The following DZIP3 variants were observed in gnomAD, a reference collection of about 807,000 sequenced individuals.
DZIP3 encodes DAZ interacting zinc finger protein 3, also known as E3 ubiquitin-protein ligase DZIP3.
DZIP3 carries 118 observed loss-of-function variants against 162.0 expected under a neutral mutation model. That is an observed-to-expected ratio of 0.73 (90% CI 0.63 to 0.85). The LOEUF is 0.85. DZIP3 is among the 40% of genes least tolerant of loss of function. DZIP3 has a pLI of 0.00. For synonymous variants in DZIP3, 438 were observed against 458.6 expected (o/e 0.96, Z 0.57); for missense variants, 1,331 against 1,407.0 (o/e 0.95, Z 0.86).
At chr3:108,611,137 C>G in intron 3 of DZIP3, 37 bp from the exon 4 acceptor site, 1 of 1,532,888 alleles carries the variant, frequency 6.5e-7, no homozygotes, top group Non-Finnish European at 8.7e-7. Flanking sequence ...TGAGAATATG[C>G]AAACTGTGTA....
chr3:108,660,692 T>G (rs2107291356), intron 19 of DZIP3, among the ~76,000 whole-genome samples: 1 of 151,828 alleles, frequency 6.6e-6, no homozygotes, highest in Non-Finnish European at 1.5e-5. Flanking sequence ...ACCATCAGAG[T>G]CAACAGGCAA....
At chr3:108,667,778 G>A (rs1943743565) in intron 21 of DZIP3, among the ~76,000 whole-genome samples, 1 of 152,070 alleles carries the variant, frequency 6.6e-6, no homozygotes, top group Non-Finnish European at 1.5e-5. Flanking sequence ...TATACTTAGT[G>A]GAAATTTTGT....
chr3:108,682,758 T>C (rs1211151089), intron 26 of DZIP3, among the ~76,000 whole-genome samples: 1 of 150,578 alleles, frequency 6.6e-6, no homozygotes, highest in African/African-American at 2.5e-5. Context: ...GAAGAGAGGA[T>C]TTTGAATATT....
chr3:108,636,847 C>T, intron 11 of DZIP3, 139 bp downstream of exon 11: 1 of 583,452 alleles, frequency 1.7e-6, no homozygotes, highest in South Asian at 2.3e-5. Flanking sequence ...GCTCTTGAAC[C>T]TTTTTATTAC....
At chr3:108,666,654 C>T (rs193281954) in intron 21 of DZIP3, among the ~76,000 whole-genome samples, 1 of 152,190 alleles carries the variant, frequency 6.6e-6, no homozygotes, top group African/African-American at 2.4e-5. Context: ...ATAAAACAAA[C>T]CTCAACAACA....
intron 4 of DZIP3, among the ~76,000 whole-genome samples, chr3:108,613,081 AAATC>A (rs1238036099): frequency 2.6e-5 from 4 of 152,122 alleles, no homozygotes; most frequent in African/African-American, 9.7e-5. Flanking sequence ...TTAAATTTAG[AAATC>A]AATACTGCAT....
At position 108,616,525 on chromosome 3, in the gene DZIP3, G is replaced by A. The variant is rs763917260; in HGVS notation, c.259-16G>A. ...TTCAGACTTATAGACATTTTTAACT[G>A]AATAATTTTCCACAGAGAGAAGTTG... On this transcript the variant is annotated splice_polypyrimidine_tract_variant and intron_variant, in intron 4 of 32. Coordinates refer to ENST00000361582, the MANE Select transcript of DZIP3 (RefSeq NM_014648.4). 1.9e-6 allele frequency: 3 copies of A among 1,560,724 alleles called. No homozygotes were observed. Among genetic ancestry groups the A allele is most frequent in the Non-Finnish European group, 2.6e-6 (3 of 1,137,526 alleles).
chr3:108,604,536 T>C (rs777826538), intron 1 of DZIP3, among the ~76,000 whole-genome samples: 1 of 152,334 alleles, frequency 6.6e-6, no homozygotes, highest in Non-Finnish European at 1.5e-5. Flanking sequence ...TATATACTTA[T>C]GATACTCTAG....
intron 18 of DZIP3, among the ~76,000 whole-genome samples, chr3:108,653,815 A>G (rs1374543132): frequency 1.3e-5 from 2 of 151,988 alleles, no homozygotes; most frequent in Non-Finnish European, 2.9e-5. Flanking sequence ...GCTTGCCAAT[A>G]TTTCTGAAAG....
chr3:108,615,991 G>A (rs538538688), intron 4 of DZIP3, among the ~76,000 whole-genome samples: 6 of 152,264 alleles, frequency 3.9e-5, no homozygotes, highest in South Asian at 4.1e-4. Flanking sequence ...GAGGCTGGGC[G>A]CAGTGGCTCA....
chr3:108,675,977 T>C, intron 25 of DZIP3, 104 bp downstream of exon 25: 1 of 1,042,228 alleles, frequency 9.6e-7, no homozygotes, highest in Non-Finnish European at 1.4e-6. Context: ...ATATTTTCCA[T>C]TTTAGTTATA....
chr3:108,617,465 T>C (rs1200013719), intron 5 of DZIP3, among the ~76,000 whole-genome samples: 1 of 152,200 alleles, frequency 6.6e-6, no homozygotes, highest in Non-Finnish European at 1.5e-5. Context: ...ATTTCTATAT[T>C]TGTAAAAGTT....
intron 1 of DZIP3, among the ~76,000 whole-genome samples, chr3:108,601,188 A>G (rs1403351585): frequency 1.3e-5 from 2 of 152,118 alleles, no homozygotes; most frequent in African/African-American, 4.8e-5. Flanking sequence ...GAGTAATTTT[A>G]TGCCCCAAGG....
chr3:108,680,935 A>G (rs1368729546), intron 26 of DZIP3, among the ~76,000 whole-genome samples: 1 of 152,186 alleles, frequency 6.6e-6, no homozygotes, highest in Non-Finnish European at 1.5e-5. Context: ...CTTACACCTT[A>G]TACAAAAATC....
intron 14 of DZIP3, among the ~76,000 whole-genome samples, chr3:108,645,293 TA>T (rs1192123534): frequency 6.6e-6 from 1 of 152,218 alleles, no homozygotes; most frequent in Non-Finnish European, 1.5e-5. Flanking sequence ...TAATAAAGTT[TA>T]AAACCATGAC....
chr3:108,641,901 G>A (rs1335130555), intron 12 of DZIP3, among the ~76,000 whole-genome samples: 3 of 151,964 alleles, frequency 2.0e-5, no homozygotes, highest in Non-Finnish European at 4.4e-5. Context: ...TCTGTTTAAC[G>A]GCAGCATTTA....
intron 15 of DZIP3, 134 bp downstream of exon 15, chr3:108,646,783 C>G: frequency 1.6e-6 from 1 of 614,780 alleles, no homozygotes; most frequent in South Asian, 2.2e-5. Flanking sequence ...TGGCTCACGC[C>G]TATAATCCCT....
At chr3:108,687,796 T>A (rs77204754) in intron 28 of DZIP3, among the ~76,000 whole-genome samples, 180 bp from the exon 29 acceptor site, 3 of 152,314 alleles carry the variant, frequency 2.0e-5, no homozygotes, top group East Asian at 3.9e-4. Flanking sequence ...GTTTTCCTTT[T>A]GGTTTAAGAT....
In DZIP3 at chr3:108,672,541, T is replaced by C; in HGVS notation, c.2493-19T>C. 1 of 1,599,794 alleles carries C rather than the reference T, an allele frequency of 6.3e-7. No homozygotes were observed. Among genetic ancestry groups the C allele is most frequent in the Non-Finnish European group, 8.6e-7 (1 of 1,167,846 alleles). ...TGCTTGATGTAATATTGCGAGTCTT[T>C]AATGATCATGTATTTCAGATCTCAG... On this transcript the variant is annotated intron_variant, in intron 22 of 32. Transcript: ENST00000361582.
Sources: gnomAD v4.1 joint callset for allele counts (sites outside exome capture counted in the v4.1 genomes callset) on GRCh38, gnomAD v4.1.1 for gene constraint, MANE v1.5 for transcripts, NCBI Gene and HGNC (gene_info 2026-07-23, HGNC 2026-07-21) for gene names.